Variants in TOLLIP observed in about 807,000 individuals in gnomAD.
TOLLIP encodes the protein toll interacting protein.
TOLLIP carries 16 observed loss-of-function variants against 33.5 expected under a neutral mutation model. The observed-to-expected ratio is 0.48, with a 90% CI of 0.32 to 0.72. The LOEUF is 0.72. TOLLIP is among the 30% of genes least tolerant of loss of function. The pLI, the probability that TOLLIP is intolerant of heterozygous loss-of-function variation, is 0.03. For missense variants in TOLLIP, 325 were observed against 396.6 expected (o/e 0.82, Z 1.53); for synonymous variants, 176 against 163.7 (o/e 1.07, Z -0.57).
intron 2 of TOLLIP, among the ~76,000 whole-genome samples, chr11:1,293,417 G>C (rs1041991556): frequency 3.9e-5 from 6 of 152,224 alleles, no homozygotes; most frequent in Admixed American, 6.5e-5. Context: ...GCAGAGAGGG[G>C]AGGAGGGCTG....
At position 1,295,970 on chromosome 11, in the gene TOLLIP, C is replaced by G. The variant is rs570728391; in HGVS notation, c.34-176G>C. 3.3e-5 allele frequency among the ~76,000 whole-genome samples: 5 copies of G among 152,294 alleles called. No individual in the cohort carries two copies. In the South Asian group the frequency reaches 1.0e-3, roughly 32 times the overall value. On this transcript the variant is annotated intron_variant, in intron 1 of 5. Transcript: ENST00000317204. ...AAACGGAGGGGTCAAGGGTGTCCAG[C>G]CTGGGGCCTGGCCCCCAGCGGTACA... is the stretch of plus-strand genomic sequence containing the variant.
At chr11:1,301,128 A>C (rs1446155919) in intron 1 of TOLLIP, among the ~76,000 whole-genome samples, 1 of 152,276 alleles carries the variant, frequency 6.6e-6, no homozygotes, top group Non-Finnish European at 1.5e-5. Context: ...ATTTACATAA[A>C]TTGTAATGTA....
intron 1 of TOLLIP, among the ~76,000 whole-genome samples, chr11:1,307,952 A>G (rs1441471857): frequency 6.6e-6 from 1 of 152,186 alleles, no homozygotes; most frequent in South Asian, 2.1e-4. Flanking sequence ...GGACTTGTGG[A>G]TACAGTGTTA....
rs1863273074 is a variant in TOLLIP at position 1,275,634 on chromosome 11, C to T, written c.*1405G>A. 1 of 152,212 alleles carries T rather than the reference C, an allele frequency of 6.6e-6. No individual in the cohort carries two copies. 9.4% of individuals were successfully genotyped at this position (152,212 alleles called of 1,614,324 possible). A position where few individuals can be genotyped will look rare whatever the true frequency, so the allele number is the denominator to read the frequency against. Reference sequence around the variant, plus strand: ...GTCCCTCCCCCACGGCCACCACACACTTCAAGTTTACAAAAATAAATATTT... The same window carrying T: ...GTCCCTCCCCCACGGCCACCACACATTTCAAGTTTACAAAAATAAATATTT... On this transcript the variant is annotated 3_prime_UTR_variant, in exon 6 of 6. Coordinates refer to ENST00000317204, the MANE Select transcript of TOLLIP (RefSeq NM_019009.4).
chr11:1,285,133 G>A (rs1249804108), intron 5 of TOLLIP, among the ~76,000 whole-genome samples: 1 of 152,038 alleles, frequency 6.6e-6, no homozygotes, highest in Non-Finnish European at 1.5e-5. Flanking sequence ...GCAGCCCCGA[G>A]ACCCTCCCCT....
intron 5 of TOLLIP, among the ~76,000 whole-genome samples, chr11:1,280,284 C>A (rs536486864): frequency 2.0e-5 from 3 of 152,340 alleles, no homozygotes; most frequent in South Asian, 4.1e-4. Flanking sequence ...AACTCACAGG[C>A]GCTGCGAACG....
At chr11:1,299,646 GA>G (rs1315221056) in intron 1 of TOLLIP, among the ~76,000 whole-genome samples, 2 of 152,168 alleles carry the variant, frequency 1.3e-5, no homozygotes, top group African/African-American at 4.8e-5. Context: ...ATACATAATG[GA>G]TATTTTTCTA....
At position 1,275,133 on chromosome 11, in the gene TOLLIP, T is replaced by TGTGTGGGTCCCGCG. The variant is rs1863247632; in HGVS notation, c.*1905_*1906insCGCGGGACCCACAC. On this transcript the variant is annotated 3_prime_UTR_variant, in exon 6 of 6. Coordinates refer to ENST00000317204, the MANE Select transcript of TOLLIP (RefSeq NM_019009.4). ...AGGGTTGCTCTCCCTCCAGCGAGGCTGGCCCCCACTGTGTGGGTCCCTCGG... is the reference window on the plus strand; with the variant it reads ...AGGGTTGCTCTCCCTCCAGCGAGGCTGTGTGGGTCCCGCGGGCCCCCACTGTGTGGGTCCCTCGG... 1 of 152,190 alleles carries TGTGTGGGTCCCGCG rather than the reference T, an allele frequency of 6.6e-6. No individual in the cohort carries two copies. The highest frequency in any genetic ancestry group is 2.4e-5 in the African/African-American group (1 of 41,448). The allele number at this position is 152,190 out of a possible 1,614,324, so 9.4% of individuals were successfully genotyped here.
Position 1,285,998 on chromosome 11 carries a change from G to T in TOLLIP, c.610+4C>A. On this transcript the variant is annotated splice_donor_region_variant and intron_variant, in intron 5 of 5. Coordinates refer to ENST00000317204, the MANE Select transcript of TOLLIP (RefSeq NM_019009.4). The stretch of plus-strand genomic sequence containing the variant: ...AGAGGCACCCAGGGAGGGAGCACAC[G>T]CACCTGTGATGGGCACATAGCCAAC... The T allele has an allele frequency of 6.3e-7, 1 of 1,587,218 alleles. No homozygotes were observed. Among genetic ancestry groups the T allele is most frequent in the Non-Finnish European group, 8.6e-7 (1 of 1,167,656 alleles).
chr11:1,295,576 G>A (rs759207750), intron 2 of TOLLIP, 69 bp downstream of exon 2: 14 of 1,431,538 alleles, frequency 9.8e-6, no homozygotes, highest in South Asian at 3.1e-5. Context: ...TATAAACGCC[G>A]AAATCCGAAA....
chr11:1,297,014 T>C (rs1864132616), intron 1 of TOLLIP, among the ~76,000 whole-genome samples: 1 of 144,668 alleles, frequency 6.9e-6, no homozygotes, highest in Admixed American at 6.9e-5. Context: ...GCTGGTGGAG[T>C]GGGGTGGAGG....
chr11:1,293,273 G>A (rs972012393), intron 2 of TOLLIP, among the ~76,000 whole-genome samples: 6 of 152,354 alleles, frequency 3.9e-5, no homozygotes, highest in Non-Finnish European at 7.3e-5. Context: ...GAGTGCCCAC[G>A]GAACACCTGG....
At chr11:1,300,938 CTGTT>C (rs1285754019) in intron 1 of TOLLIP, among the ~76,000 whole-genome samples, 1 of 152,270 alleles carries the variant, frequency 6.6e-6, no homozygotes, top group Non-Finnish European at 1.5e-5. Context: ...TGTGGAGGTG[CTGTT>C]TGTGTCTGTG....
At chr11:1,300,758 C>T (rs1289445132) in intron 1 of TOLLIP, among the ~76,000 whole-genome samples, 4 of 152,234 alleles carry the variant, frequency 2.6e-5, no homozygotes, top group Non-Finnish European at 2.9e-5. Flanking sequence ...CCTGGCCTCA[C>T]GCCTGCCAGG....
chr11:1,301,541 G>C (rs751426226), intron 1 of TOLLIP, among the ~76,000 whole-genome samples: 1 of 152,146 alleles, frequency 6.6e-6, no homozygotes, highest in Non-Finnish European at 1.5e-5. Context: ...CAGGAGCTGT[G>C]CTGGGGAGGC....
chr11:1,278,870 C>T lies in TOLLIP; in HGVS notation c.611-1617G>A, dbSNP rs190386031. Among the ~76,000 whole-genome samples, 520 of 152,332 alleles carry T rather than the reference C, an allele frequency of 3.4e-3. 11 individuals carry two copies. The highest frequency in any genetic ancestry group is 0.015 in the Admixed American group (223 of 15,312). On this transcript the variant is annotated intron_variant, in intron 5 of 5. Coordinates refer to ENST00000317204, the MANE Select transcript of TOLLIP (RefSeq NM_019009.4). The surrounding 1 kb of genome is among the most constrained non-coding windows in gnomAD (Gnocchi z 4.7). ...GTCCTGGAGGGACCCCTGGGATCCC[C>T]GTGGCTTTTTGGGCGCCCCGGCTGG...
intron 4 of TOLLIP, among the ~76,000 whole-genome samples, chr11:1,287,787 CCCTCCCTGCCGCAGCCTCCCCGCCGCAG>C (rs1564970041): frequency 7.2e-4 from 3 of 4,164 alleles, no homozygotes; most frequent in East Asian, 2.3e-3. Context: ...CCCCGCCGCA[CCCTCCCTGCCGCAGCCTCCCCGCCGCAG>C]CCTCCCCGCC....
Position 1,303,473 on chromosome 11 carries a change from C to A in TOLLIP, c.33+5993G>T, listed in dbSNP as rs550534004. ...GGCACCCCTGCTCCTGGGATGCTTA[C>A]ACGTGAGTGGAAGAAGACAAACGGG... On this transcript the variant is annotated intron_variant, in intron 1 of 5. Transcript: ENST00000317204. This position sits in a 1 kb window ranked among gnomAD's most constrained non-coding sequence, Gnocchi z 4.2. 3.5e-4 allele frequency among the ~76,000 whole-genome samples: 53 copies of A among 152,326 alleles called. No homozygotes were observed. The highest frequency in any genetic ancestry group is 1.2e-3 in the African/African-American group (50 of 41,576).
Position 1,295,168 on chromosome 11 carries a change from C to T in TOLLIP, c.183+477G>A, listed in dbSNP as rs150466681. On this transcript the variant is annotated intron_variant, in intron 2 of 5. Transcript: ENST00000317204. ...TGATCAAAATCGGCGTTCAATCTGC[C>T]GATTTTGGCTTTCACTTGAAAGACC... is the stretch of plus-strand genomic sequence containing the variant. 4.3e-4 allele frequency among the ~76,000 whole-genome samples: 66 copies of T among 152,354 alleles called. 2 individuals carry two copies. In the East Asian group the frequency reaches 0.01, roughly 24 times the overall value.
Sources: allele counts gnomAD v4.1 joint callset (sites outside exome capture counted in the v4.1 genomes callset), GRCh38; gene constraint gnomAD v4.1.1; non-coding constraint Gnocchi (gnomAD v3.1); transcripts MANE v1.5; gene names NCBI Gene and HGNC (gene_info 2026-07-23, HGNC 2026-07-21).